The following GRID1 variants were observed in gnomAD, a reference collection of about 807,000 sequenced individuals.
The protein encoded by GRID1 is glutamate receptor ionotropic, delta-1.
GRID1 carries 28 observed loss-of-function variants against 98.0 expected under a neutral mutation model. That is an observed-to-expected ratio of 0.29 (90% confidence interval 0.21 to 0.39). The LOEUF (loss-of-function observed/expected upper bound fraction) is 0.39, where lower values mean the gene tolerates loss of function less well. Among genes scored for constraint, GRID1 ranks in the 10% least tolerant of loss-of-function variants. GRID1 has a pLI of 1.00. For synonymous variants in GRID1, 553 were observed against 538.5 expected, an observed-to-expected ratio of 1.03 and a Z score of -0.37; for missense variants, 1,111 against 1,340.5, an observed-to-expected ratio of 0.83 and a Z score of 2.67.
chr10:86,102,709 G>A (rs1192318662), intron 4 of GRID1, among the ~76,000 whole-genome samples: 1 of 152,224 alleles, frequency 6.6e-6, no homozygotes, highest in Non-Finnish European at 1.5e-5. Flanking sequence ...CCAGCCATGT[G>A]GAACCGTGAA....
intron 4 of GRID1, among the ~76,000 whole-genome samples, chr10:86,061,551 A>T (rs1171076579): frequency 6.6e-6 from 1 of 151,858 alleles, no homozygotes; most frequent in Non-Finnish European, 1.5e-5. Context: ...TGCAGTCAAG[A>T]CCCCTCTCCA....
intron 1 of GRID1, 77 bp from the exon 2 acceptor site, chr10:86,364,173 A>G: frequency 8.0e-7 from 1 of 1,244,096 alleles, no homozygotes; most frequent in Non-Finnish European, 1.1e-6. Flanking sequence ...GGGTCAAGGC[A>G]CTCGCAGACC....
intron 4 of GRID1, among the ~76,000 whole-genome samples, chr10:85,979,492 G>A (rs1409993735): frequency 2.6e-5 from 4 of 152,138 alleles, no homozygotes; most frequent in Admixed American, 6.5e-5. Context: ...AGGAGGGATC[G>A]CTTCCAAGCC....
chr10:85,860,370 C>G (rs1389512671), intron 6 of GRID1, among the ~76,000 whole-genome samples: 1 of 152,138 alleles, frequency 6.6e-6, no homozygotes, highest in African/African-American at 2.4e-5. Flanking sequence ...AAAGAGAGGT[C>G]AGAGTGTCAA....
At chr10:85,867,635 C>T (rs532483979) in intron 6 of GRID1, among the ~76,000 whole-genome samples, 54 of 152,386 alleles carry the variant, frequency 3.5e-4, no homozygotes, top group Non-Finnish European at 6.3e-4. Flanking sequence ...AAACCAGCAG[C>T]ATCTCAACGT....
chr10:85,909,427 C>T (rs889953242), intron 5 of GRID1, among the ~76,000 whole-genome samples: 1 of 152,162 alleles, frequency 6.6e-6, no homozygotes, highest in Non-Finnish European at 1.5e-5. Context: ...AGTATATGTC[C>T]ATACAAAGAC....
At chr10:86,148,302 A>T (rs554492831) in intron 3 of GRID1, among the ~76,000 whole-genome samples, 16 of 152,332 alleles carry the variant, frequency 1.1e-4, no homozygotes, top group African/African-American at 3.8e-4. Flanking sequence ...AAAGAAGGAA[A>T]TCCTGTCATT....
intron 4 of GRID1, among the ~76,000 whole-genome samples, chr10:86,053,529 T>A (rs901913713): frequency 1.3e-5 from 2 of 152,084 alleles, no homozygotes; most frequent in Non-Finnish European, 2.9e-5. Flanking sequence ...TGGCTAATTT[T>A]TTTTGTATTT....
chr10:86,034,872 G>T (rs1480695216), intron 4 of GRID1, among the ~76,000 whole-genome samples: 1 of 151,874 alleles, frequency 6.6e-6, no homozygotes, highest in East Asian at 1.9e-4. Context: ...GTTGGTGGAT[G>T]GATGGATGAA....
intron 2 of GRID1, among the ~76,000 whole-genome samples, chr10:86,306,025 T>G (rs2132084934): frequency 6.6e-6 from 1 of 152,276 alleles, no homozygotes; most frequent in South Asian, 2.1e-4. Context: ...CTACCCTGAC[T>G]ACATTTAGAA....
chr10:85,684,802 T>C (rs554245301), intron 12 of GRID1, among the ~76,000 whole-genome samples: 17 of 152,344 alleles, frequency 1.1e-4, no homozygotes, highest in African/African-American at 4.1e-4. Context: ...ATCAGGGTGC[T>C]AGCCTGGTGG....
intron 12 of GRID1, among the ~76,000 whole-genome samples, chr10:85,671,094 C>T (rs1007978760): frequency 5.3e-5 from 8 of 152,194 alleles, no homozygotes; most frequent in Non-Finnish European, 1.0e-4. Context: ...CCTTTCTTTT[C>T]CTACCTTTGC....
chr10:86,293,940 A>C (rs1847551692), intron 2 of GRID1, among the ~76,000 whole-genome samples: 1 of 152,262 alleles, frequency 6.6e-6, no homozygotes. Context: ...ATAAGATAAT[A>C]AATAAAAATT....
chr10:85,674,713 G>GTTTT (rs796827862), intron 12 of GRID1, among the ~76,000 whole-genome samples: 1 of 145,306 alleles, frequency 6.9e-6, no homozygotes, highest in African/African-American at 2.5e-5. Context: ...AAAATTGCAG[G>GTTTT]TTTTTTTTTT....
At chr10:86,099,155 G>T (rs148707542) in intron 4 of GRID1, among the ~76,000 whole-genome samples, 1 of 152,104 alleles carries the variant, frequency 6.6e-6, no homozygotes, top group African/African-American at 2.4e-5. Context: ...CAATTTCAGG[G>T]GACAAGGTAG....
At chr10:86,104,089 A>G (rs1023051115) in intron 4 of GRID1, among the ~76,000 whole-genome samples, 1 of 152,216 alleles carries the variant, frequency 6.6e-6, no homozygotes, top group African/African-American at 2.4e-5. Context: ...GCAGAGAGGT[A>G]GGTGCCTTAT....
chr10:85,717,896 C>A (rs190528007), intron 12 of GRID1, among the ~76,000 whole-genome samples: 1 of 148,564 alleles, frequency 6.7e-6, no homozygotes, highest in East Asian at 2.1e-4. Context: ...AGGGCCCATG[C>A]AAGTCCGAAA....
chr10:86,349,856 C>G (rs1185353043), intron 2 of GRID1, among the ~76,000 whole-genome samples: 2 of 152,182 alleles, frequency 1.3e-5, no homozygotes, highest in Admixed American at 1.3e-4. Flanking sequence ...GGGGACTTGG[C>G]AGTAAACAAG....
chr10:85,994,701 C>T (rs1435837643), intron 4 of GRID1, among the ~76,000 whole-genome samples: 1 of 152,202 alleles, frequency 6.6e-6, no homozygotes, highest in Non-Finnish European at 1.5e-5. Flanking sequence ...CAGCTGGTCG[C>T]CTGGTAGTCC....
Sources: gnomAD v4.1 joint callset for allele counts (sites outside exome capture counted in the v4.1 genomes callset) on GRCh38, gnomAD v4.1.1 for gene constraint, MANE v1.5 for transcripts, NCBI Gene and HGNC (gene_info 2026-07-23, HGNC 2026-07-21) for gene names.